SRGAP1: variants seen among roughly 807,000 people sequenced by gnomAD.
SRGAP1 encodes SLIT-ROBO Rho GTPase activating protein 1.
A neutral mutation model predicts 121.9 loss-of-function variants in SRGAP1; 43 were observed. The ratio of observed to expected loss-of-function variants is 0.35; its 90% CI spans 0.28 to 0.46. The LOEUF is 0.46. Ranked by LOEUF, SRGAP1 falls within the 20% of genes least tolerant of loss-of-function variation. SRGAP1 has a pLI of 1.00. For missense variants in SRGAP1, 1,102 were observed against 1,350.9 expected (o/e 0.82, Z 2.89); for synonymous variants, 447 against 485.4 (o/e 0.92, Z 1.04).
At chr12:64,110,018 A>G (rs976825186) in intron 16 of SRGAP1, among the ~76,000 whole-genome samples, 5 of 152,212 alleles carry the variant, frequency 3.3e-5, no homozygotes, top group Non-Finnish European at 5.9e-5. Flanking sequence ...AAACGACAGT[A>G]GCAACCCCTT....
intron 4 of SRGAP1, among the ~76,000 whole-genome samples, chr12:64,024,108 C>T (rs2034604821): frequency 6.6e-6 from 1 of 152,160 alleles, no homozygotes. Flanking sequence ...AATGGGCAAA[C>T]CCAAATGACT....
chr12:64,061,131 T>C (rs573662523), intron 6 of SRGAP1, among the ~76,000 whole-genome samples: 1 of 152,198 alleles, frequency 6.6e-6, no homozygotes, highest in Admixed American at 6.5e-5. Context: ...TCAAGTCATA[T>C]TCTCTTAAAA....
intron 1 of SRGAP1, among the ~76,000 whole-genome samples, chr12:63,877,592 T>G (rs1025824866): frequency 1.5e-4 from 23 of 152,230 alleles, no homozygotes; most frequent in African/African-American, 5.5e-4. Context: ...AATGCTACAG[T>G]GTTACAACTA....
At chr12:64,108,898 A>G (rs1204257961) in intron 15 of SRGAP1, 34 bp from the exon 16 acceptor site, 2 of 1,517,268 alleles carry the variant, frequency 1.3e-6, no homozygotes, top group East Asian at 4.6e-5. Flanking sequence ...GTGGCAAGTG[A>G]AAGGACTCTG....
chr12:64,064,675 A>AG (rs1410179775), intron 7 of SRGAP1, among the ~76,000 whole-genome samples: 1 of 152,204 alleles, frequency 6.6e-6, no homozygotes, highest in Admixed American at 6.5e-5. Context: ...CCTGGCTGGT[A>AG]GGGGACAGAG....
intron 3 of SRGAP1, among the ~76,000 whole-genome samples, chr12:63,997,246 A>G (rs1322043173): frequency 6.6e-6 from 1 of 152,194 alleles, no homozygotes; most frequent in East Asian, 1.9e-4. Flanking sequence ...GACCACCGTC[A>G]TTGAGTACAA....
At chr12:64,141,127 T>G (rs1474007052) in intron 21 of SRGAP1, among the ~76,000 whole-genome samples, 57 of 134,056 alleles carry the variant, frequency 4.3e-4, no homozygotes, top group Middle Eastern at 3.7e-3. Flanking sequence ...TGTTGTGGGG[T>G]GGGTGGAGAG....
intron 19 of SRGAP1, 83 bp downstream of exon 19, chr12:64,126,240 A>C: frequency 6.8e-7 from 1 of 1,464,620 alleles, no homozygotes; most frequent in Admixed American, 1.9e-5. Context: ...TGGTCTTGTG[A>C]GAAAGGAGCA....
intron 1 of SRGAP1, among the ~76,000 whole-genome samples, chr12:63,963,608 C>G (rs998882011): frequency 1.3e-5 from 2 of 152,128 alleles, no homozygotes; most frequent in Admixed American, 6.6e-5. Context: ...ACTGTAGTCA[C>G]CTGCTGCACT....
chr12:64,067,156 T>TA (rs1479403606), intron 8 of SRGAP1, among the ~76,000 whole-genome samples: 1 of 152,246 alleles, frequency 6.6e-6, no homozygotes, highest in African/African-American at 2.4e-5. Context: ...CTGTTTGTGT[T>TA]ACCTGTCTGG....
At chr12:63,845,790 A>G (rs111862365) in intron 1 of SRGAP1, among the ~76,000 whole-genome samples, 196 of 152,238 alleles carry the variant, frequency 1.3e-3, no homozygotes, top group Non-Finnish European at 2.1e-3. Context: ...CCTGATTGAG[A>G]CAATGGATGG....
At chr12:64,093,530 T>C (rs1236459898) in intron 12 of SRGAP1, among the ~76,000 whole-genome samples, 2 of 152,306 alleles carry the variant, frequency 1.3e-5, no homozygotes, top group African/African-American at 2.4e-5. Context: ...TTTAAAAATA[T>C]GTTGCTTTCA....
At chr12:64,091,910 C>G (rs1034156179) in intron 12 of SRGAP1, 1 of 1,535,682 alleles carries the variant, frequency 6.5e-7, no homozygotes, top group Non-Finnish European at 8.7e-7. Flanking sequence ...CGAAGAAACT[C>G]GCACACAAGA....
intron 1 of SRGAP1, among the ~76,000 whole-genome samples, chr12:63,848,101 G>A (rs965403136): frequency 1.3e-5 from 2 of 151,774 alleles, no homozygotes; most frequent in African/African-American, 4.8e-5. Flanking sequence ...CACCTCCTGG[G>A]TTCAAGTGAT....
chr12:63,953,955 T>G (rs2032377308), intron 1 of SRGAP1, among the ~76,000 whole-genome samples: 2 of 152,246 alleles, frequency 1.3e-5, no homozygotes, highest in Non-Finnish European at 2.9e-5. Context: ...TTGTGTATTT[T>G]TCACCGTCAA....
At chr12:63,905,936 A>G (rs2030182944) in intron 1 of SRGAP1, among the ~76,000 whole-genome samples, 1 of 152,186 alleles carries the variant, frequency 6.6e-6, no homozygotes, top group African/African-American at 2.4e-5. Flanking sequence ...AGAATAAGCA[A>G]CTGAGAAGCC....
intron 10 of SRGAP1, among the ~76,000 whole-genome samples, chr12:64,082,274 C>G (rs955309059): frequency 6.6e-6 from 1 of 151,966 alleles, no homozygotes; most frequent in African/African-American, 2.4e-5. Flanking sequence ...ACCTATTCAA[C>G]ATGGATTCTC....
At chr12:63,917,380 A>G (rs2030833170) in intron 1 of SRGAP1, among the ~76,000 whole-genome samples, 1 of 152,144 alleles carries the variant, frequency 6.6e-6, no homozygotes, top group Admixed American at 6.5e-5. Flanking sequence ...GGTCCATTAG[A>G]GGTATGGATG....
At chr12:64,128,627 G>T (rs532965407) in intron 21 of SRGAP1, among the ~76,000 whole-genome samples, 1 of 152,268 alleles carries the variant, frequency 6.6e-6, no homozygotes, top group East Asian at 1.9e-4. Flanking sequence ...CTCCTTATCT[G>T]CAGGGCATAT....
Sources: gnomAD v4.1 joint callset for allele counts (sites outside exome capture counted in the v4.1 genomes callset) on GRCh38, gnomAD v4.1.1 for gene constraint, MANE v1.5 for transcripts, NCBI Gene and HGNC (gene_info 2026-07-23, HGNC 2026-07-21) for gene names.